Variants in DOCK9 observed in about 807,000 individuals in gnomAD.
DOCK9 encodes dedicator of cytokinesis 9.
In DOCK9, 89 loss-of-function variants were observed where a neutral mutation model predicts 263.3. The observed-to-expected ratio is 0.34, with a 90% CI of 0.28 to 0.40. DOCK9 has a LOEUF of 0.40. DOCK9 is among the 10% of genes least tolerant of loss of function. The probability of loss-of-function intolerance (pLI) is 1.00; values close to 1 mark genes in which losing one functional copy is unlikely to be tolerated. For missense variants in DOCK9, 2,140 were observed against 2,603.4 expected, an observed-to-expected ratio of 0.82 and a Z score of 3.87; for synonymous variants, 976 against 973.1, an observed-to-expected ratio of 1.00 and a Z score of -0.06.
chr13:98,886,108 G>A (rs2045653849), intron 19 of DOCK9, among the ~76,000 whole-genome samples: 1 of 152,138 alleles, frequency 6.6e-6, no homozygotes, highest in African/African-American at 2.4e-5. Context: ...CACAGCCAAG[G>A]CATTATGAAG....
At chr13:99,017,991 T>C (rs1401392599) in intron 1 of DOCK9, among the ~76,000 whole-genome samples, 1 of 152,178 alleles carries the variant, frequency 6.6e-6, no homozygotes, top group African/African-American at 2.4e-5. Flanking sequence ...CTTAAATTTA[T>C]ACAATTTTGC....
intron 1 of DOCK9, among the ~76,000 whole-genome samples, chr13:98,994,573 G>A (rs943257562): frequency 5.9e-5 from 9 of 152,148 alleles, no homozygotes; most frequent in Non-Finnish European, 1.2e-4. Flanking sequence ...TGTGTGTCCA[G>A]AGAGTTCAGT....
In DOCK9 at chr13:98,794,726, G is replaced by T. The variant is rs190124590; in HGVS notation, c.6179C>A (p.Thr2060Lys). Residue 2060 changes from threonine to lysine, a missense_variant, in exon 53 of 53, where the codon ACG (threonine) becomes AAG (lysine). Thr to Lys is a moderately conservative substitution (Grantham distance 78, BLOSUM62 -1). This residue lies in a region of DOCK9 where 619 missense variants were observed against 861.8 expected (regional missense o/e 0.72). Transcript: ENST00000682017. ...GTGAAGGGAATTCGGTAAGACGCTCGTCTTCTCCTCCAGGGGGCAGATCTT... is the reference window on the plus strand; with the variant it reads ...GTGAAGGGAATTCGGTAAGACGCTCTTCTTCTCCTCCAGGGGGCAGATCTT... ...HEQICPLEEK[T>K]SVLPNSLHIF... 6.2e-7 allele frequency: 1 copy of T among 1,613,956 alleles called. No individual in the cohort carries two copies. The highest frequency in any genetic ancestry group is 1.7e-5 in the Admixed American group (1 of 60,016).
chr13:99,028,528 A>G (rs1887012093), intron 1 of DOCK9, among the ~76,000 whole-genome samples: 1 of 152,112 alleles, frequency 6.6e-6, no homozygotes, highest in Non-Finnish European at 1.5e-5. Flanking sequence ...AAAGTGGCAG[A>G]TATGCATATT....
At chr13:99,006,757 T>C (rs974870069) in intron 1 of DOCK9, among the ~76,000 whole-genome samples, 5 of 152,204 alleles carry the variant, frequency 3.3e-5, no homozygotes, top group Non-Finnish European at 7.3e-5. Flanking sequence ...ACAGTACTTA[T>C]GTATTCTAAA....
intron 2 of DOCK9, among the ~76,000 whole-genome samples, chr13:98,939,937 G>T (rs2055539087): frequency 6.6e-6 from 1 of 152,192 alleles, no homozygotes; most frequent in Non-Finnish European, 1.5e-5. Context: ...ACCCCACTTG[G>T]TTGCACTGGT....
intron 33 of DOCK9, chr13:98,860,168 C>T (rs1402404915): frequency 1.4e-5 from 19 of 1,350,968 alleles, no homozygotes; most frequent in Middle Eastern, 2.5e-4. Context: ...AAGCAAACAG[C>T]GTGAGCCAGT....
intron 2 of DOCK9, among the ~76,000 whole-genome samples, chr13:98,938,592 G>A (rs2055290615): frequency 6.6e-6 from 1 of 152,174 alleles, no homozygotes; most frequent in Non-Finnish European, 1.5e-5. Flanking sequence ...TTTCTTTATG[G>A]AAAGAATCGT....
intron 1 of DOCK9, among the ~76,000 whole-genome samples, chr13:99,043,094 C>G (rs1204986185): frequency 6.6e-6 from 1 of 152,040 alleles, no homozygotes; most frequent in Non-Finnish European, 1.5e-5. Flanking sequence ...CCCCAGATGG[C>G]CTCAGCCCGT....
At chr13:98,814,445 G>A (rs547705266) in intron 45 of DOCK9, among the ~76,000 whole-genome samples, 9 of 138,814 alleles carry the variant, frequency 6.5e-5, no homozygotes, top group African/African-American at 1.6e-4. Flanking sequence ...TCATTCTGTC[G>A]CCCAGACTGG....
chr13:98,796,195 A>T, intron 52 of DOCK9: 1 of 1,578,472 alleles, frequency 6.3e-7, no homozygotes, highest in Admixed American at 1.8e-5. Flanking sequence ...AATGTTTAAA[A>T]ATGACATTAC....
At chr13:98,882,119 A>G in intron 23 of DOCK9, 112 bp from the exon 24 acceptor site, 1 of 879,428 alleles carries the variant, frequency 1.1e-6, no homozygotes, top group Admixed American at 2.1e-5. Flanking sequence ...AACAAAGGGA[A>G]GGCTGTGGTG....
At chr13:98,983,708 C>T (rs1307452485) in intron 1 of DOCK9, among the ~76,000 whole-genome samples, 1 of 151,872 alleles carries the variant, frequency 6.6e-6, no homozygotes, top group African/African-American at 2.4e-5. Context: ...CCTCTGCCTC[C>T]TGGGTTCAAG....
At chr13:98,868,411 A>C (rs1479662850) in intron 27 of DOCK9, 34 bp from the exon 28 acceptor site, 10 of 1,576,180 alleles carry the variant, frequency 6.3e-6, no homozygotes, top group Non-Finnish European at 8.6e-6. Flanking sequence ...TTTATTATTT[A>C]TTAAGTTGCA....
rs1192097372 is a variant in DOCK9, at chr13:98,797,457, A to C, written c.5949T>G (p.Ala1983=). 6 of 1,612,988 alleles carry C rather than the reference A, an allele frequency of 3.7e-6. No homozygotes were observed. Among genetic ancestry groups the C allele is most frequent in the Admixed American group, 3.3e-5 (2 of 59,910 alleles). ...VNAGPLAYAR[A]FLDDTNTKRY... ...GCTTTGTGTTTGTATCATCTAAGAA[A>C]GCTCGCGCATATGCTAGTGGGCCAG... is the stretch of plus-strand genomic sequence containing the variant. The change falls in exon 51 of 53, where the codon GCT becomes GCG. Residue 1983 remains alanine, a synonymous_variant. Coordinates refer to ENST00000682017, the MANE Select transcript of DOCK9 (RefSeq NM_001366683.2).
At chr13:98,850,243 T>G in intron 35 of DOCK9, 130 bp from the exon 36 acceptor site, 1 of 583,920 alleles carries the variant, frequency 1.7e-6, no homozygotes, top group Non-Finnish European at 2.9e-6. Flanking sequence ...CTCTAAACCC[T>G]TCCCCTGCCC....
Position 98,797,397 on chromosome 13 carries a change from T to C in DOCK9, c.6009A>G (p.Glu2003=). ...CTTTCAGTGTGCTTTACCTGAAAAC[T>C]TCCTTAAGCAGCTTCACTTTATTGT... The part of the protein sequence containing the change: ...YPDNKVKLLK[E]VFRQFVEACG... Residue 2003 remains glutamate, a synonymous_variant, in exon 51 of 53, where the codon GAA becomes GAG. Transcript: ENST00000682017. 2 of 1,613,536 alleles carry C rather than the reference T, an allele frequency of 1.2e-6. No individual in the cohort carries two copies. Among genetic ancestry groups the C allele is most frequent in the Non-Finnish European group, 8.5e-7 (1 of 1,179,662 alleles).
Position 98,866,219 on chromosome 13 carries a change from GA to G in DOCK9, c.3286+1205del, listed in dbSNP as rs753131653. 1.8e-4 allele frequency among the ~76,000 whole-genome samples: 27 copies of G among 152,070 alleles called. No homozygotes were observed. The East Asian group carries it at 2.9e-3, about 16-fold the overall frequency. On this transcript the variant is annotated intron_variant, in intron 30 of 52. Coordinates refer to ENST00000682017, the MANE Select transcript of DOCK9 (RefSeq NM_001366683.2). ...ACATTCTATGTATCTTGTGTATGTA[GA>G]ATAGCCGGGGATTGTCATCCAGGTG...
At chr13:98,917,048 G>A (rs528940265) in intron 7 of DOCK9, among the ~76,000 whole-genome samples, 3 of 152,212 alleles carry the variant, frequency 2.0e-5, no homozygotes, top group Admixed American at 2.0e-4. Flanking sequence ...TGAAGCCTTG[G>A]ATACACTTTA....
Sources: allele counts gnomAD v4.1 joint callset (sites outside exome capture counted in the v4.1 genomes callset), GRCh38; gene constraint gnomAD v4.1.1; regional missense constraint gnomAD v4.1.1; transcripts MANE v1.5; gene names NCBI Gene and HGNC (gene_info 2026-07-23, HGNC 2026-07-21).